Variants in RPLP0 observed in about 807,000 individuals in gnomAD.
The protein encoded by RPLP0 is ribosomal protein lateral stalk subunit P0, also known as large ribosomal subunit protein uL10.
For synonymous variants in RPLP0, 137 were observed against 153.4 expected, an observed-to-expected ratio of 0.89 and a Z score of 0.79; for missense variants, 276 against 402.9, an observed-to-expected ratio of 0.69 and a Z score of 2.70.
intron 7 of RPLP0, 85 bp from the exon 8 acceptor site, chr12:120,197,019 C>T: frequency 6.3e-7 from 1 of 1,585,492 alleles, no homozygotes; most frequent in Non-Finnish European, 8.6e-7. Flanking sequence ...AGTTTAAGGA[C>T]CAACAATATC....
chr12:120,200,784 C>T lies in RPLP0; in HGVS notation c.-1G>A. 6.2e-7 allele frequency: 1 copy of T among 1,610,918 alleles called. No homozygotes were observed. Among genetic ancestry groups the T allele is most frequent in the Non-Finnish European group, 8.5e-7 (1 of 1,179,290 alleles). Reference sequence around the variant, plus strand: ...AGGTCGCCCTGTCTTCCCTGGGCATCACGGCGGTGCGTCAGGGATTGCCAC... The same window carrying T: ...AGGTCGCCCTGTCTTCCCTGGGCATTACGGCGGTGCGTCAGGGATTGCCAC... On this transcript the variant is annotated 5_prime_UTR_variant, in exon 2 of 8. Coordinates refer to ENST00000392514, the MANE Select transcript of RPLP0 (RefSeq NM_001002.4).
chr12:120,199,553 T>C lies in RPLP0; in HGVS notation c.55-68A>G, dbSNP rs569218480. The stretch of plus-strand genomic sequence containing the variant: ...AGAGGGAAAAAATGCCAGAAGAAAC[T>C]GAACCCCACAATTTGTTTCCATCCC... On this transcript the variant is annotated intron_variant, in intron 2 of 7. Coordinates refer to ENST00000392514, the MANE Select transcript of RPLP0 (RefSeq NM_001002.4). 4.3e-5 allele frequency: 64 copies of C among 1,491,528 alleles called. 1 individual carries two copies. The South Asian group carries it at 7.5e-4, about 17-fold the overall frequency. The allele number at this position is 1,491,528 out of a possible 1,614,324, so 92.4% of individuals were successfully genotyped here.
chr12:120,200,643 T>C (rs1250159588), intron 2 of RPLP0, 87 bp downstream of exon 2: 3 of 1,430,686 alleles, frequency 2.1e-6, no homozygotes, highest in Admixed American at 4.4e-5. Flanking sequence ...GTAGCCGGTG[T>C]GAGTAGACCC....
intron 7 of RPLP0, 102 bp downstream of exon 7, chr12:120,197,220 G>A (rs1475375245): frequency 2.6e-6 from 3 of 1,151,148 alleles, no homozygotes; most frequent in Non-Finnish European, 3.8e-6. Context: ...AAAATTATCT[G>A]CTATATAAAA....
chr12:120,200,815 G>T lies in RPLP0; in HGVS notation c.-32C>A. The T allele has an allele frequency of 6.2e-7, 1 of 1,605,582 alleles. No homozygotes were observed. The highest frequency in any genetic ancestry group is 8.5e-7 in the Non-Finnish European group (1 of 1,176,930). On this transcript the variant is annotated 5_prime_UTR_variant, in exon 2 of 8. Transcript: ENST00000392514. ...GGTGCGTCAGGGATTGCCACGCAGGGTTTAAAGACGATGTCACTGAGGAGA... is the reference window on the plus strand; with the variant it reads ...GGTGCGTCAGGGATTGCCACGCAGGTTTTAAAGACGATGTCACTGAGGAGA...
At position 120,200,845 on chromosome 12, in the gene RPLP0, G is replaced by A. The variant is rs1013060554; in HGVS notation, c.-48-14C>T. On this transcript the variant is annotated splice_polypyrimidine_tract_variant and intron_variant, in intron 1 of 7. Coordinates refer to ENST00000392514, the MANE Select transcript of RPLP0 (RefSeq NM_001002.4). ...AAGACGATGTCACTGAGGAGAGACA[G>A]GGAGCTCAGGCCTGGTCACGCCGAC... The A allele has an allele frequency of 3.8e-6, 6 of 1,583,574 alleles. No individual in the cohort carries two copies. Among genetic ancestry groups the A allele is most frequent in the African/African-American group, 1.3e-5 (1 of 74,324 alleles).
At chr12:120,196,972 C>T (rs1879207781) in intron 7 of RPLP0, 38 bp from the exon 8 acceptor site, 1 of 1,611,810 alleles carries the variant, frequency 6.2e-7, no homozygotes, top group Non-Finnish European at 8.5e-7. Context: ...TGGTCATCCA[C>T]ACTCCTCTAT....
At chr12:120,200,529 T>C in intron 2 of RPLP0, 1 of 581,058 alleles carries the variant, frequency 1.7e-6, no homozygotes, top group East Asian at 2.9e-5. Context: ...TGCTGTCATC[T>C]TAGGACCCAC....
In RPLP0 at chr12:120,201,099, T is replaced by A. The variant is rs771590708; in HGVS notation, c.-65A>T. On this transcript the variant is annotated 5_prime_UTR_variant, in exon 1 of 8. Coordinates refer to ENST00000392514, the MANE Select transcript of RPLP0 (RefSeq NM_001002.4). ...CACACGAACCTTCCACGAGGACGCC[T>A]GGCGAGAGAAGGGCCTCGCGCCCGC... is the stretch of plus-strand genomic sequence containing the variant. 2.0e-5 allele frequency: 7 copies of A among 358,810 alleles called. No individual in the cohort carries two copies. Among genetic ancestry groups the A allele is most frequent in the Non-Finnish European group, 3.0e-5 (6 of 198,232 alleles). 22.2% of individuals were successfully genotyped at this position (358,810 alleles called of 1,614,324 possible).
At chr12:120,199,983 CT>C in intron 2 of RPLP0, 1 of 455,948 alleles carries the variant, frequency 2.2e-6, no homozygotes, top group Non-Finnish European at 4.4e-6. Flanking sequence ...AAGCTATGCT[CT>C]ACAATGCTGC....
chr12:120,196,959 A>C, intron 7 of RPLP0, 25 bp from the exon 8 acceptor site: 2 of 1,612,612 alleles, frequency 1.2e-6, no homozygotes, highest in Admixed American at 1.7e-5. Flanking sequence ...GAAGTGGTCA[A>C]AATGGTCATC....
chr12:120,200,910 G>C lies in RPLP0; in HGVS notation c.-48-79C>G, dbSNP rs538726610. On this transcript the variant is annotated intron_variant, in intron 1 of 7. Coordinates refer to ENST00000392514, the MANE Select transcript of RPLP0 (RefSeq NM_001002.4). ...CCCGGGCCTAAGAGGAGCAGGACAC[G>C]CGCAATCGCCCGCCGGCCCTGCCTA... 488 of 1,443,832 alleles carry C rather than the reference G, an allele frequency of 3.4e-4. No individual in the cohort carries two copies. In the African/African-American group the frequency reaches 6.5e-3, roughly 19 times the overall value. The allele number at this position is 1,443,832 out of a possible 1,614,324, so 89.4% of individuals were successfully genotyped here.
intron 7 of RPLP0, 64 bp downstream of exon 7, chr12:120,197,258 G>T: frequency 7.0e-7 from 1 of 1,433,076 alleles, no homozygotes. Flanking sequence ...TAAGGTAGAA[G>T]GCCACATCAC....
At chr12:120,199,696 A>C in intron 2 of RPLP0, 1 of 556,824 alleles carries the variant, frequency 1.8e-6, no homozygotes, top group East Asian at 3.1e-5. Context: ...TTCTACATTC[A>C]ATCAAGGAGT....
Position 120,198,387 on chromosome 12 carries a change from A to AG in RPLP0, c.651+166_651+167insC. The AG allele has an allele frequency of 6.9e-6, 1 of 144,302 alleles. No individual in the cohort carries two copies. The highest frequency in any genetic ancestry group is 2.0e-4 in the South Asian group (1 of 5,098). 8.9% of individuals were successfully genotyped at this position (144,302 alleles called of 1,614,324 possible). On this transcript the variant is annotated intron_variant, in intron 6 of 7. Transcript: ENST00000392514. This position sits in a 1 kb window ranked among gnomAD's most constrained non-coding sequence, Gnocchi z 4.1. ...GGCGACACAGCAAGACTCTGTCTCC[A>AG]AAAAAAAAAAAAAAAAATCCTTCAA... is the stretch of plus-strand genomic sequence containing the variant.
chr12:120,200,611 T>C, intron 2 of RPLP0, 119 bp downstream of exon 2: 1 of 1,129,860 alleles, frequency 8.9e-7, no homozygotes, highest in Non-Finnish European at 1.3e-6. Flanking sequence ...AAACAGTATT[T>C]TCCCAAAAAT....
At position 120,199,375 on chromosome 12, in the gene RPLP0, C is replaced by T; in HGVS notation, c.165G>A (p.Met55Ile). The part of the protein sequence containing the change: ...MSLRGKAVVL[M>I]GKNTMMRKAI... ...CCTTGCGCATCATGGTGTTCTTGCC[C>T]ATCAGCACCACAGCCTTCCCGCGAA... is the stretch of plus-strand genomic sequence containing the variant. Residue 55 changes from methionine to isoleucine, a missense_variant, in exon 3 of 8, where the codon ATG (methionine) becomes ATA (isoleucine). By Grantham distance (10) the Met-to-Ile change is conservative. Coordinates refer to ENST00000392514, the MANE Select transcript of RPLP0 (RefSeq NM_001002.4). 2 of 1,614,172 alleles carry T rather than the reference C, an allele frequency of 1.2e-6. No homozygotes were observed. The highest frequency in any genetic ancestry group is 1.1e-5 in the South Asian group (1 of 91,088).
At chr12:120,197,570 G>A (rs1382029096) in intron 6 of RPLP0, 108 bp from the exon 7 acceptor site, 12 of 1,337,816 alleles carry the variant, frequency 9.0e-6, no homozygotes, top group African/African-American at 1.4e-5. Flanking sequence ...CAGGTTGGCA[G>A]CTCAGTCTCA....
Position 120,198,285 on chromosome 12 carries a change from T to C in RPLP0, c.651+269A>G, listed in dbSNP as rs1187859540. 2.5e-6 allele frequency: 1 copy of C among 401,140 alleles called. No homozygotes were observed. The highest frequency in any genetic ancestry group is 4.6e-6 in the Non-Finnish European group (1 of 216,276). The allele number at this position is 401,140 out of a possible 1,614,324, so 24.8% of individuals were successfully genotyped here. ...CTGTAGTCCCAGCTACTCAGGAGGCTGAGGCAGGAGAATGGTGTGAACCCG... is the reference window on the plus strand; with the variant it reads ...CTGTAGTCCCAGCTACTCAGGAGGCCGAGGCAGGAGAATGGTGTGAACCCG... On this transcript the variant is annotated intron_variant, in intron 6 of 7. Coordinates refer to ENST00000392514, the MANE Select transcript of RPLP0 (RefSeq NM_001002.4). The surrounding 1 kb of genome is among the most constrained non-coding windows in gnomAD (Gnocchi z 4.1).
Sources: gnomAD v4.1 joint callset for allele counts on GRCh38, gnomAD v4.1.1 for gene constraint, Gnocchi (gnomAD v3.1) non-coding constraint, MANE v1.5 for transcripts, NCBI Gene and HGNC (gene_info 2026-07-23, HGNC 2026-07-21) for gene names.